CCDC148: variants seen among roughly 807,000 people sequenced by gnomAD.
The protein encoded by CCDC148 is coiled-coil domain-containing protein 148.
In CCDC148, 89 loss-of-function variants were observed where a neutral mutation model predicts 85.7. The observed-to-expected ratio is 1.04, with a 90% confidence interval of 0.87 to 1.24. The LOEUF is 1.24. Among genes scored for constraint, CCDC148 ranks in the 50% most tolerant of loss-of-function variants. The pLI, the probability that CCDC148 is intolerant of heterozygous loss-of-function variation, is 0.00. For missense variants in CCDC148, 692 were observed against 671.7 expected, an observed-to-expected ratio of 1.03 and a Z score of -0.33; for synonymous variants, 230 against 213.9, an observed-to-expected ratio of 1.08 and a Z score of -0.66.
At chr2:158,432,592 A>C (rs188547027) in intron 1 of CCDC148, among the ~76,000 whole-genome samples, 4 of 152,314 alleles carry the variant, frequency 2.6e-5, no homozygotes, top group African/African-American at 7.2e-5. Context: ...CAATTTCCTT[A>C]TTAACAACTC....
intron 1 of CCDC148, among the ~76,000 whole-genome samples, chr2:158,427,762 T>A (rs1012068804): frequency 2.6e-5 from 4 of 152,076 alleles, no homozygotes; most frequent in African/African-American, 9.7e-5. Flanking sequence ...CTCAGCTACC[T>A]GGGAGGCCTT....
intron 11 of CCDC148, among the ~76,000 whole-genome samples, chr2:158,186,665 T>C (rs1685170934): frequency 6.6e-6 from 1 of 152,092 alleles, no homozygotes; most frequent in African/African-American, 2.4e-5. Flanking sequence ...TTTTCTTTCA[T>C]TCCTTTTACT....
At chr2:158,365,208 G>GT (rs1193582961) in intron 1 of CCDC148, among the ~76,000 whole-genome samples, 1 of 152,172 alleles carries the variant, frequency 6.6e-6, no homozygotes, top group Non-Finnish European at 1.5e-5. Flanking sequence ...ACTGTTGGTG[G>GT]GAGTGTAAAT....
intron 7 of CCDC148, among the ~76,000 whole-genome samples, chr2:158,324,293 G>A (rs1007752658): frequency 3.3e-5 from 5 of 151,874 alleles, no homozygotes; most frequent in African/African-American, 1.2e-4. Context: ...TAGATGTAAC[G>A]CTTTCAGAAG....
intron 9 of CCDC148, among the ~76,000 whole-genome samples, chr2:158,279,652 G>T (rs998566079): frequency 2.0e-5 from 3 of 152,208 alleles, no homozygotes; most frequent in South Asian, 2.1e-4. Flanking sequence ...ACATCTGATT[G>T]GTGTACCTGA....
At chr2:158,272,428 T>C (rs958738735) in intron 9 of CCDC148, among the ~76,000 whole-genome samples, 2 of 152,190 alleles carry the variant, frequency 1.3e-5, no homozygotes, top group African/African-American at 4.8e-5. Context: ...TATTCTTGAA[T>C]AAAAGTCAAA....
intron 7 of CCDC148, among the ~76,000 whole-genome samples, chr2:158,321,011 G>A (rs977636504): frequency 5.9e-5 from 9 of 152,008 alleles, no homozygotes; most frequent in Non-Finnish European, 1.3e-4. Flanking sequence ...ACTAAGCAAA[G>A]GTAAACTCTA....
chr2:158,425,236 G>T, intron 1 of CCDC148: 1 of 537,914 alleles, frequency 1.9e-6, no homozygotes. Flanking sequence ...GACTATAGTG[G>T]CCAAGAGAGC....
chr2:158,456,506 G>C lies in CCDC148; in HGVS notation c.-67C>G. On this transcript the variant is annotated 5_prime_UTR_variant, in exon 1 of 14. Transcript: ENST00000283233. The stretch of plus-strand genomic sequence containing the variant: ...CAGGAAAAGTGAAACGCCCACTCCT[G>C]GGCTCTCGCCGTCAGGGGTACATCT... 1.9e-6 allele frequency: 3 copies of C among 1,573,898 alleles called. No individual in the cohort carries two copies. Among genetic ancestry groups the C allele is most frequent in the South Asian group, 1.2e-5 (1 of 85,604 alleles).
At chr2:158,311,924 G>T (rs1299286857) in intron 8 of CCDC148, among the ~76,000 whole-genome samples, 1 of 152,148 alleles carries the variant, frequency 6.6e-6, no homozygotes, top group Non-Finnish European at 1.5e-5. Flanking sequence ...GGAAGAACAG[G>T]AATGGAGAGA....
intron 1 of CCDC148, among the ~76,000 whole-genome samples, chr2:158,406,629 T>TTTTTTTTTTTTTTTTTTTTG (rs1686031138): frequency 8.5e-6 from 1 of 117,486 alleles, no homozygotes; most frequent in Admixed American, 9.7e-5. Context: ...TTTTTTTTTT[T>TTTTTTTTTTTTTTTTTTTTG]TTTTTTTTTT....
At chr2:158,308,872 C>T (rs1017038979) in intron 9 of CCDC148, among the ~76,000 whole-genome samples, 9 of 152,144 alleles carry the variant, frequency 5.9e-5, no homozygotes, top group South Asian at 2.1e-4. Flanking sequence ...CTTCTAACAG[C>T]GAGGGTTACC....
intron 11 of CCDC148, among the ~76,000 whole-genome samples, chr2:158,181,162 T>C (rs1011051986): frequency 6.6e-6 from 1 of 152,192 alleles, no homozygotes; most frequent in Non-Finnish European, 1.5e-5. Flanking sequence ...CTTTGGAAAG[T>C]TTCTCTTCCT....
chr2:158,174,342 T>C (rs1403638952), intron 13 of CCDC148, among the ~76,000 whole-genome samples: 1 of 152,056 alleles, frequency 6.6e-6, no homozygotes, highest in African/African-American at 2.4e-5. Flanking sequence ...CTTCGAATCA[T>C]CCTTACTTTC....
chr2:158,414,134 T>C (rs1034795302), intron 1 of CCDC148, among the ~76,000 whole-genome samples: 8 of 152,216 alleles, frequency 5.3e-5, no homozygotes, highest in African/African-American at 1.9e-4. Flanking sequence ...TCCACTTCTA[T>C]GTAAAATCAT....
At chr2:158,452,210 T>C (rs766307588) in intron 1 of CCDC148, among the ~76,000 whole-genome samples, 4 of 152,108 alleles carry the variant, frequency 2.6e-5, no homozygotes, top group Non-Finnish European at 5.9e-5. Flanking sequence ...ACAGAAGTGA[T>C]TAAGTGTGAA....
intron 2 of CCDC148, among the ~76,000 whole-genome samples, chr2:158,357,609 G>A (rs1683729157): frequency 6.6e-6 from 1 of 152,106 alleles, no homozygotes; most frequent in Non-Finnish European, 1.5e-5. Flanking sequence ...TTATTTTAAA[G>A]TTATATAAAC....
intron 9 of CCDC148, 144 bp from the exon 10 acceptor site, chr2:158,251,056 G>T: frequency 1.5e-6 from 1 of 655,240 alleles, no homozygotes; most frequent in South Asian, 2.9e-5. Context: ...ATGACTGTGT[G>T]ATGTATCTGT....
chr2:158,330,056 T>G (rs1693012893), intron 7 of CCDC148, among the ~76,000 whole-genome samples: 1 of 151,904 alleles, frequency 6.6e-6, no homozygotes, highest in African/African-American at 2.4e-5. Context: ...TGAATAGGAG[T>G]GGTGAGAGAG....
Sources: allele counts gnomAD v4.1 joint callset (sites outside exome capture counted in the v4.1 genomes callset), GRCh38; gene constraint gnomAD v4.1.1; transcripts MANE v1.5; gene names NCBI Gene and HGNC (gene_info 2026-07-23, HGNC 2026-07-21).